SLC2A9: variants seen among roughly 807,000 people sequenced by gnomAD.
SLC2A9 encodes the protein solute carrier family 2, facilitated glucose transporter member 9.
SLC2A9 carries 39 observed loss-of-function variants against 50.6 expected under a neutral mutation model. The observed-to-expected ratio is 0.77, with a 90% CI of 0.60 to 1.01. SLC2A9 has a LOEUF of 1.01. SLC2A9 is among the 50% of genes least tolerant of loss of function. SLC2A9 has a pLI of 0.00. For missense variants in SLC2A9, 686 were observed against 677.6 expected (o/e 1.01, Z -0.14); for synonymous variants, 324 against 276.9 (o/e 1.17, Z -1.69).
At chr4:9,867,046 T>A (rs988559178) in intron 10 of SLC2A9, among the ~76,000 whole-genome samples, 18 of 152,236 alleles carry the variant, frequency 1.2e-4, no homozygotes, top group African/African-American at 3.9e-4. Flanking sequence ...GAACTTTTTG[T>A]CAGCGTGAAT....
rs537612923 is a variant in SLC2A9 at position 10,001,822 on chromosome 4, G to A, written c.250-4881C>T. 2.0e-5 allele frequency among the ~76,000 whole-genome samples: 3 copies of A among 152,322 alleles called. 1 individual carries two copies. The highest frequency in any genetic ancestry group is 7.2e-5 in the African/African-American group (3 of 41,556). On this transcript the variant is annotated intron_variant, in intron 2 of 11. Transcript: ENST00000264784. The stretch of plus-strand genomic sequence containing the variant: ...CTGCCTTTTAGGCTCCCCAGCATCA[G>A]AAGCCCTCTTCCCGCCTGGGAGACT...
intron 4 of SLC2A9, among the ~76,000 whole-genome samples, chr4:9,981,842 C>G (rs192746961): frequency 2.0e-5 from 3 of 152,084 alleles, no homozygotes; most frequent in African/African-American, 7.2e-5. Flanking sequence ...AGCCTTCTAT[C>G]ATCTCAAAAT....
rs139928301 is a variant in SLC2A9 at position 9,907,948 on chromosome 4, T to C, written c.1113+287A>G. 5.6e-4 allele frequency among the ~76,000 whole-genome samples: 86 copies of C among 152,290 alleles called. 3 individuals are homozygous for C. The East Asian group carries it at 0.013, about 22-fold the overall frequency. ...TGTTTGTTGCCTTAGGTTCCCACAT[T>C]GCAGTGTTGCCTGCCCCGGAGGTGT... On this transcript the variant is annotated intron_variant, in intron 8 of 11. Transcript: ENST00000264784.
At chr4:9,854,604 C>T (rs1020266802) in intron 10 of SLC2A9, among the ~76,000 whole-genome samples, 3 of 152,170 alleles carry the variant, frequency 2.0e-5, no homozygotes, top group Admixed American at 2.0e-4. Context: ...TTCAACTCAT[C>T]CTATGAGGCC....
downstream of SLC2A9, among the ~76,000 whole-genome samples, chr4:9,778,987 C>T (rs1420361353): frequency 3.9e-5 from 6 of 151,942 alleles, no homozygotes; most frequent in African/African-American, 1.5e-4. Flanking sequence ...AGGATGGTCT[C>T]GATCTCCTGA....
intron 6 of SLC2A9, among the ~76,000 whole-genome samples, chr4:9,928,349 A>G (rs1024208453): frequency 6.6e-6 from 1 of 152,212 alleles, no homozygotes; most frequent in Admixed American, 6.5e-5. Flanking sequence ...GAAAGTAGCA[A>G]CCTTTTATAA....
intron 6 of SLC2A9, among the ~76,000 whole-genome samples, chr4:9,939,528 C>G (rs924038780): frequency 2.0e-5 from 3 of 151,830 alleles, no homozygotes; most frequent in Non-Finnish European, 2.9e-5. Flanking sequence ...GCCAGACTGT[C>G]AGAATTCAAA....
At chr4:9,815,945 G>A (rs1723525846) in intron 3 of SLC2A9, among the ~76,000 whole-genome samples, 1 of 152,126 alleles carries the variant, frequency 6.6e-6, no homozygotes, top group Non-Finnish European at 1.5e-5. Context: ...CGAGGCAGGT[G>A]GATCACTTGA....
intron 2 of SLC2A9, among the ~76,000 whole-genome samples, chr4:10,018,571 G>GATAA (rs1370762227): frequency 6.6e-6 from 1 of 151,092 alleles, no homozygotes; most frequent in Non-Finnish European, 1.5e-5. Context: ...TAGATAGATA[G>GATAA]ATAGATAGAT....
At chr4:9,833,966 G>A (rs1305376587) in intron 11 of SLC2A9, among the ~76,000 whole-genome samples, 2 of 152,156 alleles carry the variant, frequency 1.3e-5, no homozygotes, top group African/African-American at 4.8e-5. Context: ...AGCCTTTTGT[G>A]TTCCTGCTCC....
chr4:9,776,393 G>A (rs1717574094), downstream of SLC2A9, among the ~76,000 whole-genome samples: 1 of 151,942 alleles, frequency 6.6e-6, no homozygotes, highest in African/African-American at 2.4e-5. Flanking sequence ...CCCCACTGTT[G>A]CTCTAACAGG....
At chr4:9,883,793 C>T (rs537704013) in intron 10 of SLC2A9, among the ~76,000 whole-genome samples, 1 of 152,342 alleles carries the variant, frequency 6.6e-6, no homozygotes, top group African/African-American at 2.4e-5. Flanking sequence ...CATGATTAAA[C>T]CACCTGCAAA....
intron 3 of SLC2A9, among the ~76,000 whole-genome samples, chr4:9,800,089 G>C (rs1721187290): frequency 6.6e-6 from 1 of 152,194 alleles, no homozygotes; most frequent in Non-Finnish European, 1.5e-5. Flanking sequence ...AAAAGAAATA[G>C]AGAGGGTCCA....
Position 10,018,867 on chromosome 4 carries a change from C to T in SLC2A9, c.249+108G>A. On this transcript the variant is annotated intron_variant, in intron 2 of 11. Coordinates refer to ENST00000264784, the MANE Select transcript of SLC2A9 (RefSeq NM_020041.3). ...GGCTAATCTCTGTCCCCGCGGTGTC[C>T]CGCGCCGCGAGCGCAACAGGAGGGG... 3 of 1,099,324 alleles carry T rather than the reference C, an allele frequency of 2.7e-6. No individual in the cohort carries two copies. The South Asian group carries it at 4.3e-5, about 16-fold the overall frequency. The allele number at this position is 1,099,324 out of a possible 1,614,324, so 68.1% of individuals were successfully genotyped here.
At chr4:9,870,339 G>A (rs1461104770) in intron 10 of SLC2A9, among the ~76,000 whole-genome samples, 4 of 152,210 alleles carry the variant, frequency 2.6e-5, no homozygotes, top group African/African-American at 9.7e-5. Context: ...GGATTCCCAG[G>A]GATTGCCCAA....
chr4:10,004,843 G>C (rs1190594148), intron 2 of SLC2A9, among the ~76,000 whole-genome samples: 1 of 152,224 alleles, frequency 6.6e-6, no homozygotes, highest in Non-Finnish European at 1.5e-5. Flanking sequence ...TATGTGTTGG[G>C]AGAACTCGAT....
At chr4:9,889,173 T>C (rs1736855603) in intron 9 of SLC2A9, among the ~76,000 whole-genome samples, 1 of 151,834 alleles carries the variant, frequency 6.6e-6, no homozygotes, top group African/African-American at 2.4e-5. Flanking sequence ...GGAGGCTTCC[T>C]GCAGGAAGAG....
At chr4:9,776,240 C>T (rs951548546), downstream of SLC2A9, among the ~76,000 whole-genome samples, 6 of 150,242 alleles carry the variant, frequency 4.0e-5, no homozygotes, top group African/African-American at 1.5e-4. Flanking sequence ...TCCAAGTACA[C>T]CCAAAAGCAC....
intron 10 of SLC2A9, among the ~76,000 whole-genome samples, chr4:9,859,039 G>A (rs541616249): frequency 1.6e-4 from 25 of 152,154 alleles, no homozygotes; most frequent in South Asian, 8.3e-4. Flanking sequence ...AGGGACTCTC[G>A]GGTCTTTGGC....
Sources: gnomAD v4.1 joint callset for allele counts (sites outside exome capture counted in the v4.1 genomes callset) on GRCh38, gnomAD v4.1.1 for gene constraint, MANE v1.5 for transcripts, NCBI Gene and HGNC (gene_info 2026-07-23, HGNC 2026-07-21) for gene names.